The following HAUS7 variants were observed in gnomAD, a reference collection of about 807,000 sequenced individuals.
The protein encoded by HAUS7 is HAUS augmin-like complex subunit 7.
HAUS7 carries 3 observed loss-of-function variants against 28.4 expected under a neutral mutation model. That is an observed-to-expected ratio of 0.11 (90% CI 0.05 to 0.27). The LOEUF (loss-of-function observed/expected upper bound fraction) is 0.27, where lower values mean the gene tolerates loss of function less well. Among genes scored for constraint, HAUS7 ranks in the 10% least tolerant of loss-of-function variants. The probability of loss-of-function intolerance (pLI) is 1.00; values close to 1 mark genes in which losing one functional copy is unlikely to be tolerated. For missense variants in HAUS7, 284 were observed against 297.3 expected (o/e 0.96, Z 0.33); for synonymous variants, 165 against 132.1 (o/e 1.25, Z -1.71).
Position 153,489,865 on chromosome X carries a change from C to A in HAUS7, c.-589+5509G>T, listed in dbSNP as rs376001548. 2.1e-4 allele frequency among the ~76,000 whole-genome samples: 24 copies of A among 112,725 alleles called. No individual in the cohort carries two copies. In the East Asian group the frequency reaches 5.1e-3, roughly 24 times the overall value. On this transcript the variant is annotated intron_variant, in intron 1 of 5. Coordinates refer to the HAUS7 transcript ENST00000370210. ...TCTGAGCCCTCCCTCCAGCCTAACACCCCCGTTCACAAGCATCTCGCCTAC... is the reference window on the plus strand; with the variant it reads ...TCTGAGCCCTCCCTCCAGCCTAACAACCCCGTTCACAAGCATCTCGCCTAC...
intron 1 of HAUS7, chrX:153,486,697 C>T: frequency 1.0e-6 from 1 of 983,090 alleles, no homozygotes; most frequent in Admixed American, 3.0e-5. Flanking sequence ...CTCCACACAC[C>T]TGGAGAACAA....
chrX:153,485,391 C>T (rs1556988264), intron 1 of HAUS7, among the ~76,000 whole-genome samples: 1 of 111,710 alleles, frequency 9.0e-6, no homozygotes, highest in Non-Finnish European at 1.9e-5. Context: ...ACCCTCTGAG[C>T]TCTGTCAGGT....
At chrX:153,462,785 G>A in intron 3 of HAUS7, 114 bp from the exon 4 acceptor site, 1 of 586,040 alleles carries the variant, frequency 1.7e-6, no homozygotes, top group East Asian at 3.5e-5. Context: ...AGACCAGGGT[G>A]GGCCAGGAGG....
At chrX:153,472,435 A>ACCACCCACCACCCG (rs1556985541), upstream of HAUS7, among the ~76,000 whole-genome samples, 104 of 13,546 alleles carry the variant, frequency 7.7e-3, no homozygotes, top group Non-Finnish European at 0.014. Context: ...CCCACCACCC[A>ACCACCCACCACCCG]CCACCCACCA....
intron 1 of HAUS7, chrX:153,482,760 C>T: frequency 2.6e-6 from 2 of 755,634 alleles, no homozygotes; most frequent in Non-Finnish European, 3.1e-6. Flanking sequence ...GAACCAGCTG[C>T]GTGACAGGGA....
chrX:153,492,460 C>T (rs1328783991), intron 1 of HAUS7, among the ~76,000 whole-genome samples: 3 of 112,128 alleles, frequency 2.7e-5, no homozygotes, highest in South Asian at 3.7e-4. Context: ...CCGGGCCGGG[C>T]GTGCAGTTAT....
intron 1 of HAUS7, among the ~76,000 whole-genome samples, chrX:153,487,657 G>A (rs1240489475): frequency 8.9e-6 from 1 of 112,675 alleles, no homozygotes; most frequent in African/African-American, 3.2e-5. Flanking sequence ...AGGGAAGGGT[G>A]GGGAGTGAGC....
intron 4 of HAUS7, among the ~76,000 whole-genome samples, chrX:153,458,153 T>C (rs782257182): frequency 2.7e-5 from 3 of 113,108 alleles, no homozygotes; most frequent in South Asian, 7.1e-4. Context: ...TAAGGTAAAA[T>C]TGGCAACACT....
intron 1 of HAUS7, among the ~76,000 whole-genome samples, chrX:153,491,135 A>G (rs1178760957): frequency 9.0e-6 from 1 of 111,424 alleles, no homozygotes; most frequent in East Asian, 2.8e-4. Context: ...AGCAGGGCAG[A>G]GGGAGCCCGG....
At chrX:153,493,732 G>A (rs920544625) in intron 1 of HAUS7, among the ~76,000 whole-genome samples, 4 of 111,222 alleles carry the variant, frequency 3.6e-5, no homozygotes, top group Non-Finnish European at 7.6e-5. Flanking sequence ...TGAACAGGAA[G>A]GGGGTCTGTG....
At chrX:153,460,895 T>C (rs1426999699) in intron 4 of HAUS7, among the ~76,000 whole-genome samples, 3 of 112,223 alleles carry the variant, frequency 2.7e-5, no homozygotes, top group African/African-American at 9.7e-5. Flanking sequence ...CTAGAAAGTA[T>C]CCAAAAGACA....
chrX:153,460,214 A>G (rs1279944226), intron 4 of HAUS7, among the ~76,000 whole-genome samples: 1 of 112,286 alleles, frequency 8.9e-6, no homozygotes, highest in Non-Finnish European at 1.9e-5. Context: ...CTCCAATGAC[A>G]TACAGACAGA....
intron 1 of HAUS7, chrX:153,486,886 C>T: frequency 1.2e-6 from 1 of 856,872 alleles, no homozygotes; most frequent in Non-Finnish European, 1.5e-6. Flanking sequence ...TGTGCTTGGC[C>T]TTTGCACCAC....
intron 4 of HAUS7, 44 bp from the exon 5 acceptor site, chrX:153,457,272 C>T (rs375635764): frequency 4.3e-5 from 39 of 901,352 alleles, no homozygotes; most frequent in Non-Finnish European, 6.2e-5. Context: ...CCATCTAAGC[C>T]AGGCCAAGGC....
chrX:153,447,715 C>T lies in HAUS7; in HGVS notation c.*163G>A. ...TGTCCAAGTCAAACCGCCCGTCTGT[C>T]TCTCCCTCCCCAAAGGGGCCAAAGG... On this transcript the variant is annotated 3_prime_UTR_variant, in exon 10 of 10. Coordinates refer to ENST00000370211, the MANE Select transcript of HAUS7 (RefSeq NM_001385482.1). The T allele has an allele frequency of 1.7e-6, 1 of 573,419 alleles. No individual in the cohort carries two copies. Among genetic ancestry groups the T allele is most frequent in the Non-Finnish European group, 3.2e-6 (1 of 311,945 alleles). 47.3% of individuals were successfully genotyped at this position (573,419 alleles called of 1,213,427 possible).
chrX:153,471,937 T>C (rs1227190379), upstream of HAUS7, among the ~76,000 whole-genome samples: 17 of 111,787 alleles, frequency 1.5e-4, no homozygotes, highest in Admixed American at 1.6e-3. Flanking sequence ...GGCTTTGGGA[T>C]TTTTTTTTAA....
chrX:153,473,893 C>T (rs1556985782), upstream of HAUS7, among the ~76,000 whole-genome samples: 2 of 111,965 alleles, frequency 1.8e-5, no homozygotes, highest in African/African-American at 6.5e-5. Flanking sequence ...GGTCACCCAT[C>T]CACCCTGCAT....
At chrX:153,493,270 C>CT (rs1167233572) in intron 1 of HAUS7, among the ~76,000 whole-genome samples, 35 of 112,369 alleles carry the variant, frequency 3.1e-4, no homozygotes, top group African/African-American at 9.7e-4. Flanking sequence ...ACCAGAGGCT[C>CT]TGCGGCCTTT....
chrX:153,487,820 C>G (rs1017474934), intron 1 of HAUS7, among the ~76,000 whole-genome samples: 4 of 112,618 alleles, frequency 3.6e-5, no homozygotes, highest in African/African-American at 1.3e-4. Context: ...TCAGCCCTGC[C>G]GAGCCCTGAA....
Sources: gnomAD v4.1 joint callset for allele counts (sites outside exome capture counted in the v4.1 genomes callset) on GRCh38, gnomAD v4.1.1 for gene constraint, MANE v1.5 for transcripts, NCBI Gene and HGNC (gene_info 2026-07-23, HGNC 2026-07-21) for gene names.